ZNF804B: variants seen among roughly 807,000 people sequenced by gnomAD.
ZNF804B encodes the protein zinc finger protein 804B.
ZNF804B carries 80 observed loss-of-function variants against 101.4 expected under a neutral mutation model. The observed-to-expected ratio is 0.79, with a 90% CI of 0.66 to 0.95. The LOEUF is 0.95. ZNF804B is among the 40% of genes least tolerant of loss of function. The pLI, the probability that ZNF804B is intolerant of heterozygous loss-of-function variation, is 0.00. For synonymous variants in ZNF804B, 622 were observed against 558.8 expected (o/e 1.11, Z -1.59); for missense variants, 1,673 against 1,561.9 (o/e 1.07, Z -1.20).
At chr7:89,167,642 A>G (rs865778098) in intron 1 of ZNF804B, among the ~76,000 whole-genome samples, 9 of 152,254 alleles carry the variant, frequency 5.9e-5, no homozygotes, top group African/African-American at 1.7e-4. Flanking sequence ...TTCTAGAATT[A>G]ATGATTTTTA....
intron 1 of ZNF804B, among the ~76,000 whole-genome samples, chr7:88,936,348 T>G (rs1359975263): frequency 1.3e-5 from 2 of 152,060 alleles, no homozygotes; most frequent in African/African-American, 4.8e-5. Flanking sequence ...AGAGTCACCC[T>G]GCCAAATTAA....
At position 89,218,312 on chromosome 7, in the gene ZNF804B, A is replaced by T; in HGVS notation, c.249+17A>T. On this transcript the variant is annotated intron_variant, in intron 2 of 3. Transcript: ENST00000333190. ...CATAAGCAGGTAAGGCAAAGTGGGA[A>T]AAGTCCTTCATATTCCTGTATTTAT... 3 of 1,613,098 alleles carry T rather than the reference A, an allele frequency of 1.9e-6. No individual in the cohort carries two copies. The highest frequency in any genetic ancestry group is 2.5e-6 in the Non-Finnish European group (3 of 1,179,464).
chr7:88,845,663 A>G (rs1207302310), intron 1 of ZNF804B, among the ~76,000 whole-genome samples: 9 of 151,478 alleles, frequency 5.9e-5, no homozygotes, highest in Non-Finnish European at 1.3e-4. Context: ...ACAGGATCTC[A>G]CTTCCTTTGA....
chr7:89,189,935 C>T (rs1480415725), intron 1 of ZNF804B, among the ~76,000 whole-genome samples: 1 of 151,804 alleles, frequency 6.6e-6, no homozygotes, highest in East Asian at 1.9e-4. Context: ...TTGATGGATC[C>T]GGGAAAGGTA....
intron 2 of ZNF804B, among the ~76,000 whole-genome samples, chr7:89,290,040 C>T (rs573715467): frequency 2.6e-5 from 4 of 152,226 alleles, no homozygotes; most frequent in Non-Finnish European, 4.4e-5. Context: ...TAGGATTGGA[C>T]ACCGGTCAGG....
rs766624719 is a variant in ZNF804B, at chr7:88,760,068, A to G, written c.92A>G (p.Asn31Ser). 1.6e-5 allele frequency: 26 copies of G among 1,614,030 alleles called. No homozygotes were observed. The highest frequency in any genetic ancestry group is 2.2e-5 in the Non-Finnish European group (26 of 1,180,002). ...KGVFRGPLCK[N>S]GSPSPDFAEK... The stretch of plus-strand genomic sequence containing the variant: ...GTCTTCAGGGGACCCCTGTGCAAGA[A>G]CGGATCTCCCTCTCCGGTAATGTGC... The change falls in exon 1 of 4, where the codon AAC becomes AGC. Residue 31 changes from asparagine (N) to serine (S), a missense_variant. Transcript: ENST00000333190.
chr7:88,798,074 C>T (rs1790519248), intron 1 of ZNF804B, among the ~76,000 whole-genome samples: 1 of 152,000 alleles, frequency 6.6e-6, no homozygotes, highest in Non-Finnish European at 1.5e-5. Context: ...TTTAAGAGTT[C>T]TATTTCCATG....
intron 2 of ZNF804B, among the ~76,000 whole-genome samples, chr7:89,272,137 A>G (rs560967728): frequency 7.2e-5 from 11 of 151,990 alleles, no homozygotes; most frequent in Admixed American, 2.0e-4. Context: ...CTCCCAACAT[A>G]TCATTCTCCT....
intron 1 of ZNF804B, among the ~76,000 whole-genome samples, chr7:88,875,735 G>T (rs1055818558): frequency 3.3e-5 from 5 of 152,208 alleles, no homozygotes; most frequent in Non-Finnish European, 5.9e-5. Context: ...AGAGGTACAA[G>T]GAGGAACTGG....
At chr7:89,331,152 T>G (rs948173344) in intron 3 of ZNF804B, among the ~76,000 whole-genome samples, 3 of 151,726 alleles carry the variant, frequency 2.0e-5, no homozygotes, top group Non-Finnish European at 3.0e-5. Flanking sequence ...CGATTGAAGC[T>G]TCTGGAGAAG....
chr7:88,832,247 T>G (rs919840975), intron 1 of ZNF804B, among the ~76,000 whole-genome samples: 25 of 152,116 alleles, frequency 1.6e-4, no homozygotes, highest in African/African-American at 6.0e-4. Flanking sequence ...CATTTGCCTG[T>G]GCTTAAAGTT....
intron 1 of ZNF804B, among the ~76,000 whole-genome samples, chr7:88,878,001 T>C (rs1791977695): frequency 6.6e-6 from 1 of 152,134 alleles, no homozygotes; most frequent in South Asian, 2.1e-4. Flanking sequence ...AAAATACTAT[T>C]GTAAAAAAGA....
chr7:89,044,268 G>C (rs571882223), intron 1 of ZNF804B, among the ~76,000 whole-genome samples: 6 of 152,096 alleles, frequency 3.9e-5, no homozygotes, highest in Admixed American at 3.9e-4. Context: ...TTCCCCTTTC[G>C]CCATGATTGT....
intron 1 of ZNF804B, among the ~76,000 whole-genome samples, chr7:89,212,241 G>C (rs1788816180): frequency 7.3e-6 from 1 of 137,276 alleles, no homozygotes; most frequent in Non-Finnish European, 1.5e-5. Flanking sequence ...AGTGTCACAT[G>C]CATTCAGTGA....
At chr7:89,174,059 A>G (rs1791280473) in intron 1 of ZNF804B, among the ~76,000 whole-genome samples, 1 of 152,042 alleles carries the variant, frequency 6.6e-6, no homozygotes, top group Admixed American at 6.6e-5. Flanking sequence ...CATCGCCTCA[A>G]GCATTTATCA....
chr7:88,958,821 G>A (rs943361266), intron 1 of ZNF804B, among the ~76,000 whole-genome samples: 1 of 151,352 alleles, frequency 6.6e-6, no homozygotes, highest in South Asian at 2.1e-4. Context: ...TGATAGTGTT[G>A]GGAGGAATTC....
chr7:89,129,822 A>G (rs900155212), intron 1 of ZNF804B, among the ~76,000 whole-genome samples: 1 of 152,040 alleles, frequency 6.6e-6, no homozygotes, highest in Non-Finnish European at 1.5e-5. Context: ...CTACCAATCC[A>G]TGCTGGATAC....
At chr7:88,966,670 C>A (rs1793459023) in intron 1 of ZNF804B, among the ~76,000 whole-genome samples, 1 of 151,258 alleles carries the variant, frequency 6.6e-6, no homozygotes, top group African/African-American at 2.4e-5. Context: ...AGGTGCTAGT[C>A]TTTTCCTGTC....
At chr7:88,851,586 A>C (rs1791451213) in intron 1 of ZNF804B, among the ~76,000 whole-genome samples, 1 of 152,094 alleles carries the variant, frequency 6.6e-6, no homozygotes, top group African/African-American at 2.4e-5. Flanking sequence ...CAAAGACTAA[A>C]TGAGTGTAAC....
Sources: allele counts gnomAD v4.1 joint callset (sites outside exome capture counted in the v4.1 genomes callset), GRCh38; gene constraint gnomAD v4.1.1; transcripts MANE v1.5; gene names NCBI Gene and HGNC (gene_info 2026-07-23, HGNC 2026-07-21).